YWHAE: variants seen among roughly 807,000 people sequenced by gnomAD.
The protein encoded by YWHAE is 14-3-3 protein epsilon.
In YWHAE, 4 loss-of-function variants were observed where a neutral mutation model predicts 30.1. The ratio of observed to expected loss-of-function variants is 0.13; its 90% CI spans 0.07 to 0.30. The LOEUF (loss-of-function observed/expected upper bound fraction) is 0.30. Ranked by LOEUF, YWHAE falls within the 10% of genes least tolerant of loss-of-function variation. The pLI is 1.00. For synonymous variants in YWHAE, 118 were observed against 111.8 expected, an observed-to-expected ratio of 1.06 and a Z score of -0.35; for missense variants, 121 against 315.9, an observed-to-expected ratio of 0.38 and a Z score of 4.68.
At chr17:1,370,841 C>T (rs1342717519) in intron 1 of YWHAE, among the ~76,000 whole-genome samples, 1 of 149,212 alleles carries the variant, frequency 6.7e-6, no homozygotes, top group East Asian at 2.0e-4. Flanking sequence ...ACTAAAAGTG[C>T]AAAAAAAAAT....
intron 5 of YWHAE, among the ~76,000 whole-genome samples, chr17:1,346,391 CAAAAT>C (rs1467814874): frequency 6.6e-6 from 1 of 152,094 alleles, no homozygotes; most frequent in African/African-American, 2.4e-5. Flanking sequence ...TAGTTTGAAA[CAAAAT>C]AAATGAAAAA....
chr17:1,356,199 CACACACACACACACACA>C lies in YWHAE; in HGVS notation c.579-1869_579-1853del, dbSNP rs1427318927. On this transcript the variant is annotated intron_variant, in intron 4 of 5. Transcript: ENST00000264335. Reference sequence around the variant, plus strand: ...ACACACACACACACACACACACACACACACACACACACACACAAAATTAGCCGGGCATGGTGGCGTAT... The same window carrying C: ...ACACACACACACACACACACACACACAAATTAGCCGGGCATGGTGGCGTAT... 1.8e-4 allele frequency among the ~76,000 whole-genome samples: 15 copies of C among 81,690 alleles called. No homozygotes were observed. In the East Asian group the frequency reaches 3.7e-3, roughly 20 times the overall value. The allele number at this position is 81,690 out of a possible 152,430, so 53.6% of individuals were successfully genotyped here.
intron 1 of YWHAE, among the ~76,000 whole-genome samples, chr17:1,368,757 T>G (rs1310558051): frequency 6.6e-6 from 1 of 152,142 alleles, no homozygotes; most frequent in Admixed American, 6.6e-5. Flanking sequence ...AATCAGCAAG[T>G]CAAACATAAC....
intron 4 of YWHAE, among the ~76,000 whole-genome samples, chr17:1,356,831 G>T (rs191182768): frequency 6.2e-4 from 94 of 151,406 alleles, no homozygotes; most frequent in South Asian, 1.0e-3. Context: ...TCAGTCAAGC[G>T]CAGTGAAGCA....
intron 1 of YWHAE, among the ~76,000 whole-genome samples, chr17:1,383,706 T>A (rs9891600): frequency 0.49 from 74,444 of 151,788 alleles, 19,534 homozygotes; most frequent in African/African-American, 0.67. Flanking sequence ...AACAATTTTT[T>A]AAAACACAAG....
chr17:1,389,159 TCTCA>T (rs1331892026), intron 1 of YWHAE, among the ~76,000 whole-genome samples: 1 of 152,176 alleles, frequency 6.6e-6, no homozygotes, highest in Non-Finnish European at 1.5e-5. Flanking sequence ...AGAAACAGGG[TCTCA>T]CTATGTTGCC....
intron 1 of YWHAE, among the ~76,000 whole-genome samples, chr17:1,382,938 T>C (rs1344425933): frequency 2.0e-5 from 3 of 151,508 alleles, no homozygotes; most frequent in African/African-American, 7.3e-5. Flanking sequence ...GGAAGGAGAA[T>C]TGCTTGAACC....
chr17:1,392,184 C>T lies in YWHAE; in HGVS notation c.64+7863G>A, dbSNP rs186951087. On this transcript the variant is annotated intron_variant, in intron 1 of 5. Transcript: ENST00000264335. ...TGAGTAATATACTGAGATCTTGTCT[C>T]GGGAAAAAAGAAAAAGAAAAAGAAA... 9.3e-5 allele frequency among the ~76,000 whole-genome samples: 14 copies of T among 151,202 alleles called. No individual in the cohort carries two copies. In the East Asian group the frequency reaches 9.7e-4, roughly 10 times the overall value.
intron 4 of YWHAE, among the ~76,000 whole-genome samples, chr17:1,357,143 C>T (rs2072761597): frequency 6.6e-6 from 1 of 152,002 alleles, no homozygotes; most frequent in Non-Finnish European, 1.5e-5. Flanking sequence ...GTGGCTCACA[C>T]CTGTAATCCC....
intron 1 of YWHAE, among the ~76,000 whole-genome samples, chr17:1,388,360 CA>C (rs1271244842): frequency 2.0e-5 from 3 of 151,208 alleles, no homozygotes; most frequent in Admixed American, 6.6e-5. Flanking sequence ...ACTAAAAATA[CA>C]AAAAATGAGC....
chr17:1,394,460 A>AAAAAAAAAAAAAC (rs1555647412), intron 1 of YWHAE, among the ~76,000 whole-genome samples: 9 of 137,622 alleles, frequency 6.5e-5, no homozygotes, highest in African/African-American at 2.3e-4. Context: ...AAAAAAAAAA[A>AAAAAAAAAAAAAC]ACACAAAAAT....
At chr17:1,381,933 AGAC>A (rs373507223) in intron 1 of YWHAE, among the ~76,000 whole-genome samples, 10 of 144,172 alleles carry the variant, frequency 6.9e-5, no homozygotes, top group African/African-American at 1.5e-4. Flanking sequence ...AAAAAAAAAA[AGAC>A]AGGCAGACAG....
intron 1 of YWHAE, among the ~76,000 whole-genome samples, chr17:1,394,538 C>A (rs952478084): frequency 1.6e-4 from 24 of 149,858 alleles, no homozygotes; most frequent in African/African-American, 5.2e-4. Context: ...CTCAGGAGGT[C>A]GAGCCTGCAG....
chr17:1,369,964 T>C (rs897233352), intron 1 of YWHAE, among the ~76,000 whole-genome samples: 5 of 152,162 alleles, frequency 3.3e-5, no homozygotes, highest in Non-Finnish European at 5.9e-5. Flanking sequence ...TTTGCCTTGA[T>C]GTTGATGGCT....
intron 5 of YWHAE, chr17:1,348,079 G>C (rs755084420): frequency 1.2e-6 from 1 of 815,744 alleles, no homozygotes; most frequent in Non-Finnish European, 1.5e-6. Flanking sequence ...TAAACCAACA[G>C]AGCAGGACAA....
At chr17:1,388,523 CA>C (rs771810570) in intron 1 of YWHAE, among the ~76,000 whole-genome samples, 252 of 124,294 alleles carry the variant, frequency 2.0e-3, no homozygotes, top group Admixed American at 2.7e-3. Flanking sequence ...GACTCTGTCT[CA>C]AAAAAAAAAA....
chr17:1,363,255 T>C (rs1286599057), intron 2 of YWHAE, among the ~76,000 whole-genome samples: 1 of 152,134 alleles, frequency 6.6e-6, no homozygotes, highest in Admixed American at 6.6e-5. Flanking sequence ...TCTGGACTCT[T>C]TATTTTTTAC....
At chr17:1,355,261 A>T (rs1466907779) in intron 4 of YWHAE, among the ~76,000 whole-genome samples, 2 of 129,384 alleles carry the variant, frequency 1.5e-5, no homozygotes, top group African/African-American at 3.1e-5. Flanking sequence ...GGTTCACACC[A>T]TTATCCTGCC....
intron 1 of YWHAE, among the ~76,000 whole-genome samples, chr17:1,385,221 G>A (rs904244511): frequency 3.3e-5 from 5 of 150,214 alleles, no homozygotes; most frequent in African/African-American, 1.2e-4. Context: ...AAAAGTTAAA[G>A]GTTAAGAAAA....
Sources: gnomAD v4.1 joint callset for allele counts (sites outside exome capture counted in the v4.1 genomes callset) on GRCh38, gnomAD v4.1.1 for gene constraint, MANE v1.5 for transcripts, NCBI Gene and HGNC (gene_info 2026-07-23, HGNC 2026-07-21) for gene names.